Variants in DAPK1 observed in about 807,000 individuals in gnomAD.
The protein encoded by DAPK1 is death-associated protein kinase 1.
In DAPK1, 56 loss-of-function variants were observed where a neutral mutation model predicts 144.9. The observed-to-expected ratio is 0.39, with a 90% confidence interval of 0.31 to 0.48. The LOEUF (loss-of-function observed/expected upper bound fraction) is 0.48. DAPK1 is among the 20% of genes least tolerant of loss of function. The pLI, the probability that DAPK1 is intolerant of heterozygous loss-of-function variation, is 0.95. For synonymous variants in DAPK1, 690 were observed against 749.0 expected (o/e 0.92, Z 1.29); for missense variants, 1,454 against 1,875.4 (o/e 0.78, Z 4.15).
chr9:87,600,040 AG>A (rs1465960733), intron 2 of DAPK1, among the ~76,000 whole-genome samples: 1 of 152,240 alleles, frequency 6.6e-6, no homozygotes, highest in Non-Finnish European at 1.5e-5. Flanking sequence ...AACACTAGAC[AG>A]CCCCACAGTA....
intron 21 of DAPK1, among the ~76,000 whole-genome samples, chr9:87,691,713 T>G (rs1419027613): frequency 6.6e-6 from 1 of 152,138 alleles, no homozygotes; most frequent in African/African-American, 2.4e-5. Flanking sequence ...TTTTTTTAAA[T>G]TTCTCCCCTA....
intron 2 of DAPK1, among the ~76,000 whole-genome samples, chr9:87,501,486 A>C (rs1236626841): frequency 2.6e-5 from 4 of 152,168 alleles, no homozygotes; most frequent in Non-Finnish European, 5.9e-5. Flanking sequence ...CGGAGGTTGC[A>C]GTGAATGGAG....
At position 87,681,441 on chromosome 9, in the gene DAPK1, C is replaced by T; in HGVS notation, c.2039C>T (p.Pro680Leu). The change falls in exon 20 of 26, where the codon CCC (proline) becomes CTC (leucine). Residue 680 changes from proline (P) to leucine (L), a missense_variant. Physicochemically the swap from Pro to Leu is moderately conservative, Grantham distance 98. This residue lies in a region of DAPK1 where 1,025 missense variants were observed against 1,237.9 expected (regional missense o/e 0.83). Coordinates refer to ENST00000408954, the MANE Select transcript of DAPK1 (RefSeq NM_004938.4). ...HRGLFIQQLR[P>L]TQNLQPRIKL... The stretch of plus-strand genomic sequence containing the variant: ...GGACTCTTCATCCAGCAGCTCCGAC[C>T]CACACAGAACCTGCAGCCAAGAATT... 1 of 1,613,116 alleles carries T rather than the reference C, an allele frequency of 6.2e-7. No homozygotes were observed. Among genetic ancestry groups the T allele is most frequent in the East Asian group, 2.2e-5 (1 of 44,872 alleles).
At chr9:87,694,592 A>C (rs1825192227) in intron 21 of DAPK1, among the ~76,000 whole-genome samples, 1 of 152,108 alleles carries the variant, frequency 6.6e-6, no homozygotes, top group South Asian at 2.1e-4. Flanking sequence ...CATACTTTAG[A>C]CTCAGTGGAC....
At chr9:87,604,500 G>A (rs1037056528) in intron 2 of DAPK1, among the ~76,000 whole-genome samples, 3 of 152,100 alleles carry the variant, frequency 2.0e-5, no homozygotes, top group East Asian at 3.8e-4. Context: ...ATTTAAATTG[G>A]TTAATATTGG....
chr9:87,625,154 A>T (rs868825580), intron 3 of DAPK1, among the ~76,000 whole-genome samples: 5,366 of 152,032 alleles, frequency 0.035, 177 homozygotes, highest in East Asian at 0.12. Context: ...TCACAGAAAC[A>T]GTTTGTTAAT....
At chr9:87,650,257 C>A (rs1319207195) in intron 16 of DAPK1, 139 bp downstream of exon 16, 2 of 775,934 alleles carry the variant, frequency 2.6e-6, no homozygotes, top group Non-Finnish European at 4.1e-6. Context: ...TTCTCTGTTC[C>A]AAAGATTCTG....
intron 10 of DAPK1, 100 bp from the exon 11 acceptor site, chr9:87,643,276 G>T: frequency 4.4e-6 from 3 of 676,644 alleles, no homozygotes; most frequent in Admixed American, 2.8e-5. Flanking sequence ...TTTGTCGTTT[G>T]TACTCATTTG....
At chr9:87,541,481 A>T (rs1826049992) in intron 2 of DAPK1, among the ~76,000 whole-genome samples, 1 of 151,784 alleles carries the variant, frequency 6.6e-6, no homozygotes, top group South Asian at 2.1e-4. Flanking sequence ...CCAGGGAGGC[A>T]AAGATTGCGG....
At chr9:87,676,430 G>A (rs1036280904) in intron 19 of DAPK1, among the ~76,000 whole-genome samples, 2 of 152,232 alleles carry the variant, frequency 1.3e-5, no homozygotes, top group South Asian at 4.1e-4. Context: ...GTAGTGAAAC[G>A]TGAAAACGTG....
At chr9:87,615,703 C>G (rs1829070919) in intron 3 of DAPK1, among the ~76,000 whole-genome samples, 1 of 152,228 alleles carries the variant, frequency 6.6e-6, no homozygotes, top group Non-Finnish European at 1.5e-5. Context: ...CTTTACCTTT[C>G]TGAGTCAGCC....
chr9:87,511,974 A>G (rs187283273), intron 2 of DAPK1, among the ~76,000 whole-genome samples: 108 of 152,120 alleles, frequency 7.1e-4, no homozygotes, highest in African/African-American at 2.4e-3. Flanking sequence ...GGCCTCCCAA[A>G]GTGCTGGGAT....
chr9:87,580,218 C>T (rs779198430), intron 2 of DAPK1, among the ~76,000 whole-genome samples: 19 of 152,100 alleles, frequency 1.2e-4, no homozygotes, highest in Non-Finnish European at 2.8e-4. Flanking sequence ...GCCCTGTGTG[C>T]TCTTTCTTCC....
chr9:87,513,120 C>T (rs1197595562), intron 2 of DAPK1, among the ~76,000 whole-genome samples: 8 of 152,144 alleles, frequency 5.3e-5, no homozygotes, highest in African/African-American at 1.9e-4. Flanking sequence ...AAATAGACAA[C>T]AAATAAGCTA....
rs1564039672 is a variant in DAPK1 at position 87,641,923 on chromosome 9, T to G, written c.829-46T>G. 2.0e-6 allele frequency: 3 copies of G among 1,506,516 alleles called. No individual in the cohort carries two copies. The Admixed American group carries it at 5.3e-5, about 27-fold the overall frequency. 93.3% of individuals were successfully genotyped at this position (1,506,516 alleles called of 1,614,324 possible). On this transcript the variant is annotated intron_variant, in intron 9 of 25. Coordinates refer to ENST00000408954, the MANE Select transcript of DAPK1 (RefSeq NM_004938.4). ...CAAAAAATTGTCATATAACACATTT[T>G]CATAATTTGAGAGCTTTAATTTTTT...
chr9:87,574,765 A>G (rs1020805744), intron 2 of DAPK1, among the ~76,000 whole-genome samples: 1 of 152,024 alleles, frequency 6.6e-6, no homozygotes, highest in Non-Finnish European at 1.5e-5. Flanking sequence ...CTAAAAATAC[A>G]CAAAAAATTA....
intron 21 of DAPK1, among the ~76,000 whole-genome samples, chr9:87,692,788 C>T (rs12379859): frequency 2.0e-5 from 3 of 151,886 alleles, no homozygotes; most frequent in Non-Finnish European, 2.9e-5. Context: ...GACTTTATTT[C>T]TCCTTCACTT....
At chr9:87,616,823 G>A (rs991402442) in intron 3 of DAPK1, among the ~76,000 whole-genome samples, 4 of 152,198 alleles carry the variant, frequency 2.6e-5, no homozygotes, top group African/African-American at 9.6e-5. Context: ...CGGCCACATG[G>A]CTGGAAACTG....
Position 87,707,541 on chromosome 9 carries a change from T to G in DAPK1, c.*177T>G. The stretch of plus-strand genomic sequence containing the variant: ...TGCCGCTACCTCCCTCCCCGTCTCA[T>G]TCCGTTGTCTGTGGATGGTCATTGC... On this transcript the variant is annotated 3_prime_UTR_variant, in exon 26 of 26. Coordinates refer to ENST00000408954, the MANE Select transcript of DAPK1 (RefSeq NM_004938.4). The surrounding 1 kb of genome is among the most constrained non-coding windows in gnomAD (Gnocchi z 4.0). The G allele has an allele frequency of 1.7e-6, 1 of 595,974 alleles. No individual in the cohort carries two copies. The highest frequency in any genetic ancestry group is 2.0e-5 in the South Asian group (1 of 48,884). 36.9% of individuals were successfully genotyped at this position (595,974 alleles called of 1,614,324 possible). A position where few individuals can be genotyped will look rare whatever the true frequency, so the allele number is the denominator to read the frequency against.
Sources: allele counts gnomAD v4.1 joint callset (sites outside exome capture counted in the v4.1 genomes callset), GRCh38; gene constraint gnomAD v4.1.1; regional missense constraint gnomAD v4.1.1; non-coding constraint Gnocchi (gnomAD v3.1); transcripts MANE v1.5; gene names NCBI Gene and HGNC (gene_info 2026-07-23, HGNC 2026-07-21).